Variants in TET2 observed in about 807,000 individuals in gnomAD.
The protein encoded by TET2 is tet methylcytosine dioxygenase 2.
A neutral mutation model predicts 142.9 loss-of-function variants in TET2; 299 were observed. The observed-to-expected ratio is 2.09, with a 90% confidence interval of 1.90 to 2.30. TET2 has a LOEUF of 2.30. Among genes scored for constraint, TET2 ranks in the 30% most tolerant of loss-of-function variants. The probability of loss-of-function intolerance (pLI) is 0.00; values close to 1 mark genes in which losing one functional copy is unlikely to be tolerated. For synonymous variants in TET2, 819 were observed against 849.0 expected (o/e 0.96, Z 0.61); for missense variants, 2,418 against 2,378.0 (o/e 1.02, Z -0.35).
chr4:105,222,118 T>C (rs1484594682), intron 2 of TET2, among the ~76,000 whole-genome samples: 3 of 152,062 alleles, frequency 2.0e-5, no homozygotes, highest in African/African-American at 7.3e-5. Flanking sequence ...CTATCATTGT[T>C]GGACATTAGG....
Position 105,241,337 on chromosome 4 carries a change from A to G in TET2, c.3410-2A>G, listed in dbSNP as rs1729284903. ...AATAATAATCTTCTATTATCTCAACAGAGCAAATTATTGAAAAAGATGAAG... is the reference window on the plus strand; with the variant it reads ...AATAATAATCTTCTATTATCTCAACGGAGCAAATTATTGAAAAAGATGAAG... On this transcript the variant is annotated splice_acceptor_variant, in intron 3 of 10. Transcript: ENST00000380013. LOFTEE classifies it high-confidence loss of function. The G allele has an allele frequency of 6.5e-7, 1 of 1,543,968 alleles. No homozygotes were observed. Among genetic ancestry groups the G allele is most frequent in the South Asian group, 1.2e-5 (1 of 82,588 alleles).
chr4:105,237,072 A>T lies in TET2; in HGVS notation c.3130A>T (p.Lys1044Ter). 1 of 1,614,152 alleles carries T rather than the reference A, an allele frequency of 6.2e-7. No homozygotes were observed. The highest frequency in any genetic ancestry group is 8.5e-7 in the Non-Finnish European group (1 of 1,180,016). Reference sequence around the variant, plus strand: ...TCACGCCAAGTCGTTATTTGACCATAAGGCTCTTACTCTCAAATCACAGAA... The same window carrying T: ...TCACGCCAAGTCGTTATTTGACCATTAGGCTCTTACTCTCAAATCACAGAA... ...QFHAKSLFDH[K>*]ALTLKSQKQV... Residue 1044 changes from lysine to a stop codon, truncating the protein, a stop_gained, in exon 3 of 11, where the codon AAG becomes TAG. Transcript: ENST00000380013. LOFTEE classifies it high-confidence loss of function.
intron 8 of TET2, among the ~76,000 whole-genome samples, chr4:105,267,149 T>C (rs769672666): frequency 3.3e-5 from 5 of 151,056 alleles, no homozygotes; most frequent in Middle Eastern, 3.4e-3. Context: ...AAAACAACTC[T>C]CAAAAAAGAC....
intron 2 of TET2, among the ~76,000 whole-genome samples, chr4:105,226,118 G>A (rs1728176983): frequency 6.6e-6 from 1 of 151,888 alleles, no homozygotes; most frequent in Admixed American, 6.6e-5. Context: ...AGCTTAAATT[G>A]TTGGCTAAAT....
At position 105,277,715 on chromosome 4, in the gene TET2, A is replaced by G. The variant is rs1731286006; in HGVS notation, c.*1196A>G. 1 of 227,856 alleles carries G rather than the reference A, an allele frequency of 4.4e-6. No homozygotes were observed. Among genetic ancestry groups the G allele is most frequent in the Non-Finnish European group, 8.7e-6 (1 of 114,780 alleles). 14.1% of individuals were successfully genotyped at this position (227,856 alleles called of 1,614,324 possible). A position where few individuals can be genotyped will look rare whatever the true frequency, so the allele number is the denominator to read the frequency against. ...ATACTGTAAAACAGTTTTATACAAA[A>G]TTGTATGACAAGTTCATTGCTCAAA... On this transcript the variant is annotated 3_prime_UTR_variant, in exon 11 of 11. Transcript: ENST00000380013.
At chr4:105,182,288 T>A (rs1467498720) in intron 1 of TET2, among the ~76,000 whole-genome samples, 1 of 152,202 alleles carries the variant, frequency 6.6e-6, no homozygotes, top group Non-Finnish European at 1.5e-5. Flanking sequence ...GTAATTCTGC[T>A]ACCCTAAGCC....
At chr4:105,213,776 C>G (rs1197490361) in intron 2 of TET2, among the ~76,000 whole-genome samples, 1 of 152,172 alleles carries the variant, frequency 6.6e-6, no homozygotes, top group Non-Finnish European at 1.5e-5. Context: ...GATAAAAGCT[C>G]TCAGAGAGAA....
chr4:105,242,676 A>G, intron 4 of TET2, 158 bp from the exon 5 acceptor site: 1 of 1,381,008 alleles, frequency 7.2e-7, no homozygotes. Flanking sequence ...ACCATTATCC[A>G]GTTTGCTTGG....
intron 8 of TET2, among the ~76,000 whole-genome samples, chr4:105,262,216 G>A (rs1730470569): frequency 6.6e-6 from 1 of 152,108 alleles, no homozygotes; most frequent in South Asian, 2.1e-4. Flanking sequence ...GTATAAATGA[G>A]TATTCATAAG....
intron 5 of TET2, among the ~76,000 whole-genome samples, 189 bp from the exon 6 acceptor site, chr4:105,243,381 T>G (rs1387798374): frequency 3.3e-5 from 5 of 152,194 alleles, no homozygotes; most frequent in Non-Finnish European, 5.9e-5. Context: ...GTTCTGATAC[T>G]AGGGTCAAAG....
chr4:105,227,626 A>C (rs1293166335), intron 2 of TET2, among the ~76,000 whole-genome samples: 2 of 152,176 alleles, frequency 1.3e-5, no homozygotes, highest in Non-Finnish European at 2.9e-5. Flanking sequence ...CTAAAAAATC[A>C]ATCATGATAA....
At chr4:105,233,348 C>T (rs1279150558) in intron 2 of TET2, among the ~76,000 whole-genome samples, 3 of 123,810 alleles carry the variant, frequency 2.4e-5, no homozygotes, top group African/African-American at 9.7e-5. Context: ...TGTGCCGCTG[C>T]ACTCCAGCCT....
At chr4:105,176,526 A>C (rs1245879943) in intron 1 of TET2, among the ~76,000 whole-genome samples, 2 of 152,206 alleles carry the variant, frequency 1.3e-5, no homozygotes, top group Non-Finnish European at 2.9e-5. Flanking sequence ...TTAAAAACAC[A>C]TTACCATTTA....
chr4:105,178,752 A>G (rs956099416), intron 1 of TET2, among the ~76,000 whole-genome samples: 1 of 152,190 alleles, frequency 6.6e-6, no homozygotes, highest in Non-Finnish European at 1.5e-5. Context: ...TTTAATGCAC[A>G]TGTACCCTAA....
At chr4:105,175,765 G>A (rs774361334) in intron 1 of TET2, among the ~76,000 whole-genome samples, 2 of 151,942 alleles carry the variant, frequency 1.3e-5, no homozygotes, top group East Asian at 3.9e-4. Flanking sequence ...CTACTCATGG[G>A]CATATTATAT....
Position 105,236,188 on chromosome 4 carries a change from A to G in TET2, c.2246A>G (p.Gln749Arg). The change falls in exon 3 of 11, where the codon CAA (glutamine) becomes CGA (arginine). Residue 749 changes from glutamine to arginine, a missense_variant. Transcript: ENST00000380013. ...PQNQQQQQKL[Q>R]IKNKEEILQT... ...AACCAGCAACAGCAGCAAAAATTACAAATAAAGAATAAAGAGGAAATACTC... is the reference window on the plus strand; with the variant it reads ...AACCAGCAACAGCAGCAAAAATTACGAATAAAGAATAAAGAGGAAATACTC... 6.2e-7 allele frequency: 1 copy of G among 1,614,092 alleles called. No individual in the cohort carries two copies. Among genetic ancestry groups the G allele is most frequent in the Non-Finnish European group, 8.5e-7 (1 of 1,180,008 alleles).
intron 6 of TET2, among the ~76,000 whole-genome samples, chr4:105,257,368 T>G (rs906562930): frequency 6.6e-6 from 1 of 152,178 alleles, no homozygotes; most frequent in Non-Finnish European, 1.5e-5. Context: ...GGTTGTTGTT[T>G]ATTTCTTTTT....
intron 1 of TET2, among the ~76,000 whole-genome samples, chr4:105,175,080 A>G (rs964556916): frequency 2.0e-5 from 3 of 152,234 alleles, no homozygotes; most frequent in East Asian, 1.9e-4. Flanking sequence ...ATAAGGCTAC[A>G]GAATGCTTCC....
Position 105,276,459 on chromosome 4 carries a change from A to G in TET2, c.5949A>G (p.Thr1983=), listed in dbSNP as rs921392823. 4.3e-5 allele frequency: 67 copies of G among 1,551,794 alleles called. No homozygotes were observed. Among genetic ancestry groups the G allele is most frequent in the Non-Finnish European group, 5.6e-5 (64 of 1,147,002 alleles). ...CCATGTCCGTGACCACAGACTCCAC[A>G]GTAACTACATCTCCATATGCCTTCA... ...ERTMSVTTDS[T]VTTSPYAFTR... Residue 1983 remains threonine (T), a synonymous_variant, in exon 11 of 11, where the codon ACA becomes ACG. Coordinates refer to ENST00000380013, the MANE Select transcript of TET2 (RefSeq NM_001127208.3).
Sources: gnomAD v4.1 joint callset for allele counts (sites outside exome capture counted in the v4.1 genomes callset) on GRCh38, gnomAD v4.1.1 for gene constraint, MANE v1.5 for transcripts, NCBI Gene and HGNC (gene_info 2026-07-23, HGNC 2026-07-21) for gene names.